Variants in SLC5A10 observed in about 807,000 individuals in gnomAD.
SLC5A10 encodes the protein solute carrier family 5 member 10.
SLC5A10 carries 55 observed loss-of-function variants against 68.9 expected under a neutral mutation model. The ratio of observed to expected loss-of-function variants is 0.80; its 90% CI spans 0.64 to 1.00. The LOEUF (loss-of-function observed/expected upper bound fraction) is 1.00, where lower values mean the gene tolerates loss of function less well. Ranked by LOEUF, SLC5A10 falls within the 50% of genes least tolerant of loss-of-function variation. The pLI is 0.00. For missense variants in SLC5A10, 732 were observed against 819.3 expected, an observed-to-expected ratio of 0.89 and a Z score of 1.30; for synonymous variants, 344 against 344.8, an observed-to-expected ratio of 1.00 and a Z score of 0.02.
chr17:19,019,163 G>A (rs2044202841), intron 11 of SLC5A10: 2 of 481,380 alleles, frequency 4.2e-6, no homozygotes, highest in Non-Finnish European at 7.3e-6. Flanking sequence ...GGCTGGCTCC[G>A]CAGAGACCCC....
At chr17:18,982,574 C>T (rs1026708679) in intron 9 of SLC5A10, among the ~76,000 whole-genome samples, 5 of 152,186 alleles carry the variant, frequency 3.3e-5, no homozygotes, top group South Asian at 2.1e-4. Flanking sequence ...ACGTCAAGGG[C>T]GAGTCAGGGC....
upstream of SLC5A10, chr17:18,951,745 G>A (rs2042371178): frequency 6.3e-6 from 1 of 159,906 alleles, no homozygotes; most frequent in Non-Finnish European, 1.4e-5. Context: ...CTCACAGCCC[G>A]ATGGCCAAGG....
At position 19,019,944 on chromosome 17, in the gene SLC5A10, C is replaced by T. The variant is rs752198189; in HGVS notation, c.1626+16C>T. The T allele has an allele frequency of 2.5e-6, 4 of 1,587,146 alleles. No homozygotes were observed. The highest frequency in any genetic ancestry group is 2.7e-5 in the African/African-American group (2 of 74,212). On this transcript the variant is annotated intron_variant, in intron 13 of 14. Transcript: ENST00000395645. Reference sequence around the variant, plus strand: ...GAGTGTCCAGGTGAGCCAGCCCTGACCCCTGACCCTGACCCCTAACAATTT... The same window carrying T: ...GAGTGTCCAGGTGAGCCAGCCCTGATCCCTGACCCTGACCCCTAACAATTT...
intron 9 of SLC5A10, chr17:18,979,497 T>G: frequency 6.2e-7 from 1 of 1,602,706 alleles, no homozygotes; most frequent in Non-Finnish European, 8.5e-7. Context: ...CAGAAGCCAG[T>G]TGGGAGCCAG....
intron 9 of SLC5A10, among the ~76,000 whole-genome samples, chr17:19,010,644 G>A (rs1251950484): frequency 2.1e-5 from 2 of 95,010 alleles, no homozygotes; most frequent in Non-Finnish European, 5.7e-5. Context: ...CTCCTGACTC[G>A]GGCTTTCTGA....
In SLC5A10 at chr17:18,971,600, C is replaced by T. The variant is rs750821024; in HGVS notation, c.846+382C>T. 1.5e-5 allele frequency: 24 copies of T among 1,613,622 alleles called. No individual in the cohort carries two copies. The highest frequency in any genetic ancestry group is 2.0e-5 in the Non-Finnish European group (24 of 1,180,004). ...GGGTACCTGACCTCCCTTGGCCTGC[C>T]AGTGGTGGGGGCCAGCCATGGCTGG... On this transcript the variant is annotated intron_variant, in intron 8 of 14. Transcript: ENST00000395645. The surrounding 1 kb of genome is among the most constrained non-coding windows in gnomAD (Gnocchi z 5.5).
chr17:18,955,108 A>C (rs7208785), intron 1 of SLC5A10, among the ~76,000 whole-genome samples: 4,636 of 122,222 alleles, frequency 0.038, 247 homozygotes, highest in African/African-American at 0.13. Context: ...AAAAAAAAAA[A>C]AAGAATTCAG....
At chr17:18,990,961 G>A (rs190047485) in intron 9 of SLC5A10, among the ~76,000 whole-genome samples, 191 of 152,332 alleles carry the variant, frequency 1.3e-3, no homozygotes, top group African/African-American at 4.4e-3. Flanking sequence ...CCCACCCAGA[G>A]CACCTTCTGC....
chr17:18,988,488 C>T, intron 9 of SLC5A10: 4 of 1,578,158 alleles, frequency 2.5e-6, no homozygotes, highest in East Asian at 2.3e-5. Flanking sequence ...GCAGAGCGCA[C>T]AGCCCTCCCA....
intron 9 of SLC5A10, among the ~76,000 whole-genome samples, chr17:19,006,010 C>A (rs2043879970): frequency 1.3e-5 from 2 of 152,202 alleles, no homozygotes; most frequent in South Asian, 4.1e-4. Flanking sequence ...CAGCTTCTCC[C>A]TGTGTTCTTA....
At position 18,971,471 on chromosome 17, in the gene SLC5A10, T is replaced by C. The variant is rs754474365; in HGVS notation, c.846+253T>C. ...GTGCTTCGACTGAGACAGTTTGGAG[T>C]ATGGGATTCCGAAGGGACTCGGATG... On this transcript the variant is annotated intron_variant, in intron 8 of 14. Coordinates refer to ENST00000395645, the MANE Select transcript of SLC5A10 (RefSeq NM_001042450.4). The surrounding 1 kb of genome is among the most constrained non-coding windows in gnomAD (Gnocchi z 5.5). 1 of 1,613,580 alleles carries C rather than the reference T, an allele frequency of 6.2e-7. No individual in the cohort carries two copies. Among genetic ancestry groups the C allele is most frequent in the Non-Finnish European group, 8.5e-7 (1 of 1,179,982 alleles).
intron 8 of SLC5A10, among the ~76,000 whole-genome samples, chr17:18,974,257 C>A (rs1370418469): frequency 6.6e-6 from 1 of 152,194 alleles, no homozygotes; most frequent in Non-Finnish European, 1.5e-5. Context: ...AACTCCTGAC[C>A]TCAAGTAATC....
chr17:18,961,834 A>G (rs112666834), intron 5 of SLC5A10, among the ~76,000 whole-genome samples: 9 of 152,206 alleles, frequency 5.9e-5, no homozygotes, highest in East Asian at 1.9e-4. Context: ...CCTGGCCTCT[A>G]TCTGCACTGG....
intron 7 of SLC5A10, chr17:18,969,705 T>C: frequency 2.5e-6 from 1 of 394,038 alleles, no homozygotes; most frequent in Non-Finnish European, 4.5e-6. Context: ...CACACCCGCA[T>C]TGGCTCAGCG....
rs778922188 is a variant in SLC5A10, at chr17:18,952,327, C to T, written c.111+11C>T. 1.9e-6 allele frequency: 3 copies of T among 1,607,680 alleles called. No individual in the cohort carries two copies. Among genetic ancestry groups the T allele is most frequent in the East Asian group, 4.5e-5 (2 of 44,484 alleles). ...GCCGTGGGCATATGGGTAAGGGGAC[C>T]TGTGGTGGTGTTGGCCAAGTGGGCT... On this transcript the variant is annotated intron_variant, in intron 1 of 14. Transcript: ENST00000395645.
intron 9 of SLC5A10, chr17:18,978,925 C>A: frequency 6.5e-7 from 1 of 1,537,492 alleles, no homozygotes; most frequent in African/African-American, 1.4e-5. Flanking sequence ...CACCCATAGC[C>A]GCTGGGCCTC....
In SLC5A10 at chr17:18,959,662, AGGTGAGTCTACTCAT is replaced by A. The variant is rs1567777589; in HGVS notation, c.348+2_348+16del. 1 of 1,613,878 alleles carries A rather than the reference AGGTGAGTCTACTCAT, an allele frequency of 6.2e-7. No individual in the cohort carries two copies. The highest frequency in any genetic ancestry group is 8.5e-7 in the Non-Finnish European group (1 of 1,179,944). The stretch of plus-strand genomic sequence containing the variant: ...TTCGTGCCCATCTACATCTCCTCAG[AGGTGAGTCTACTCAT>A]GGGGCCTCCAGCTGGGGGGCTGGGC... On this transcript the variant is annotated splice_donor_variant and splice_donor_5th_base_variant and coding_sequence_variant and intron_variant, in exon 4 of 15. Transcript: ENST00000395645. LOFTEE classifies it high-confidence loss of function.
At chr17:18,992,324 G>A (rs757225701) in intron 9 of SLC5A10, among the ~76,000 whole-genome samples, 20 of 152,112 alleles carry the variant, frequency 1.3e-4, no homozygotes, top group Non-Finnish European at 2.4e-4. Context: ...TGGGAGAGGG[G>A]AGGGCACTGG....
At chr17:18,952,080 A>G (rs1731434611), upstream of SLC5A10, 6 of 1,441,086 alleles carry the variant, frequency 4.2e-6, no homozygotes, top group Non-Finnish European at 5.5e-6. Flanking sequence ...CAGCCACATC[A>G]TGGGCTGGAG....
Sources: allele counts gnomAD v4.1 joint callset (sites outside exome capture counted in the v4.1 genomes callset), GRCh38; gene constraint gnomAD v4.1.1; non-coding constraint Gnocchi (gnomAD v3.1); transcripts MANE v1.5; gene names NCBI Gene and HGNC (gene_info 2026-07-23, HGNC 2026-07-21).